Variants in MED13 observed in about 807,000 individuals in gnomAD.
The protein encoded by MED13 is mediator of RNA polymerase II transcription subunit 13.
A neutral mutation model predicts 225.2 loss-of-function variants in MED13; 23 were observed. The ratio of observed to expected loss-of-function variants is 0.10; its 90% CI spans 0.07 to 0.14. The LOEUF is 0.14. Among genes scored for constraint, MED13 ranks in the 10% least tolerant of loss-of-function variants. MED13 has a pLI of 1.00. For missense variants in MED13, 2,197 were observed against 2,594.5 expected (o/e 0.85, Z 3.33); for synonymous variants, 942 against 889.2 (o/e 1.06, Z -1.06).
At chr17:61,951,148 T>C in intron 27 of MED13, 150 bp from the exon 28 acceptor site, 3 of 543,532 alleles carry the variant, frequency 5.5e-6, no homozygotes, top group Non-Finnish European at 9.1e-6. Flanking sequence ...AACCAGTTTC[T>C]ATGTACTTAG....
intron 18 of MED13, 33 bp downstream of exon 18, chr17:61,968,002 G>T: frequency 6.6e-7 from 1 of 1,525,752 alleles, no homozygotes; most frequent in Non-Finnish European, 9.1e-7. Flanking sequence ...TCGTAAGGTA[G>T]TTTTAAAATG....
intron 9 of MED13, among the ~76,000 whole-genome samples, chr17:62,008,167 A>C (rs952479275): frequency 6.6e-5 from 10 of 151,206 alleles, no homozygotes; most frequent in Non-Finnish European, 1.0e-4. Flanking sequence ...AAAATATAAA[A>C]AATTAGCCAG....
intron 3 of MED13, among the ~76,000 whole-genome samples, chr17:62,036,497 T>G (rs1291278914): frequency 6.6e-6 from 1 of 152,212 alleles, no homozygotes; most frequent in Non-Finnish European, 1.5e-5. Context: ...TAAACTCTTT[T>G]TATTCCTTCT....
Position 61,946,573 on chromosome 17 carries a change from G to C in MED13, c.6420C>G (p.Leu2140=). Residue 2140 remains leucine (L), a synonymous_variant, in exon 30 of 30, where the codon CTC becomes CTG. Transcript: ENST00000397786. ...LRFVLEQYNA[L]SWLTCDPATQ... ...TTGCAGGGTCACAGGTTAGCCAGGA[G>C]AGTGCATTGTACTGTTCCAAAACAA... 3 of 1,614,036 alleles carry C rather than the reference G, an allele frequency of 1.9e-6. No individual in the cohort carries two copies. Among genetic ancestry groups the C allele is most frequent in the East Asian group, 2.2e-5 (1 of 44,868 alleles).
chr17:62,021,277 G>A (rs1272440254), intron 8 of MED13, among the ~76,000 whole-genome samples: 2 of 150,454 alleles, frequency 1.3e-5, no homozygotes, highest in Admixed American at 6.6e-5. Flanking sequence ...GGGCAGAGGC[G>A]CCCCTCACCT....
chr17:62,012,825 A>C (rs1418176444), intron 8 of MED13, among the ~76,000 whole-genome samples: 1 of 150,310 alleles, frequency 6.7e-6, no homozygotes, highest in South Asian at 2.1e-4. Flanking sequence ...ACCGAGTCTC[A>C]CTCTGTTGCC....
intron 26 of MED13, among the ~76,000 whole-genome samples, chr17:61,954,685 G>C (rs967321746): frequency 2.0e-5 from 3 of 152,264 alleles, no homozygotes; most frequent in Non-Finnish European, 2.9e-5. Flanking sequence ...GCTGAGGCAC[G>C]AGCATCGCTT....
intron 15 of MED13, among the ~76,000 whole-genome samples, chr17:61,983,809 A>G (rs1251233487): frequency 6.6e-6 from 1 of 151,264 alleles, no homozygotes; most frequent in African/African-American, 2.4e-5. Context: ...GCTCCCTGCA[A>G]TGCCTGACTC....
At chr17:62,063,395 A>C (rs1283527068) in intron 1 of MED13, 94 bp from the exon 2 acceptor site, 3 of 795,918 alleles carry the variant, frequency 3.8e-6, no homozygotes, top group Non-Finnish European at 6.1e-6. Flanking sequence ...AAGACATTAC[A>C]ATTTTTCAAT....
intron 14 of MED13, 128 bp downstream of exon 14, chr17:61,984,523 C>G: frequency 1.1e-6 from 1 of 949,506 alleles, no homozygotes; most frequent in Non-Finnish European, 1.5e-6. Flanking sequence ...ATAGTGACAA[C>G]AATAATTCAG....
chr17:62,048,551 G>C (rs538031126), intron 3 of MED13, among the ~76,000 whole-genome samples: 4 of 152,064 alleles, frequency 2.6e-5, no homozygotes, highest in Non-Finnish European at 5.9e-5. Flanking sequence ...CTCAGAATTA[G>C]AGATATTCAG....
intron 3 of MED13, among the ~76,000 whole-genome samples, chr17:62,043,687 C>T (rs2080874969): frequency 6.6e-6 from 1 of 152,164 alleles, no homozygotes; most frequent in Non-Finnish European, 1.5e-5. Flanking sequence ...TAAAATGTGG[C>T]CAATCCAAAC....
Position 61,961,000 on chromosome 17 carries a change from C to A in MED13, c.5347G>T (p.Ala1783Ser). ...QTELGETFGE[A>S]GQKYNVLFVG... ...AAAAGAACATTATATTTCTGTCCAG[C>A]TTCTCCAAATGTTTCTCCTAGCTCT... The change falls in exon 23 of 30, where the codon GCT becomes TCT. Residue 1783 changes from alanine to serine, a missense_variant. Coordinates refer to ENST00000397786, the MANE Select transcript of MED13 (RefSeq NM_005121.3). The A allele has an allele frequency of 6.2e-7, 1 of 1,614,008 alleles. No individual in the cohort carries two copies. The highest frequency in any genetic ancestry group is 8.5e-7 in the Non-Finnish European group (1 of 1,179,970).
At chr17:62,003,369 G>A (rs993191537) in intron 9 of MED13, among the ~76,000 whole-genome samples, 1 of 152,022 alleles carries the variant, frequency 6.6e-6, no homozygotes, top group Non-Finnish European at 1.5e-5. Context: ...ACTTTGTGAG[G>A]CTGAGGCAGG....
intron 9 of MED13, among the ~76,000 whole-genome samples, chr17:61,996,279 T>C (rs2080346102): frequency 6.6e-6 from 1 of 152,206 alleles, no homozygotes; most frequent in South Asian, 2.1e-4. Flanking sequence ...TAGCTTCTGG[T>C]TTGCATAAGA....
intron 10 of MED13, 120 bp from the exon 11 acceptor site, chr17:61,992,741 A>G: frequency 1.9e-6 from 1 of 520,366 alleles, no homozygotes; most frequent in Non-Finnish European, 3.2e-6. Flanking sequence ...ATTATCACTG[A>G]TTCTTACAGT....
At chr17:61,991,109 T>C (rs188210016) in intron 11 of MED13, among the ~76,000 whole-genome samples, 51 of 152,304 alleles carry the variant, frequency 3.3e-4, no homozygotes, top group African/African-American at 1.2e-3. Flanking sequence ...AAATCATTTT[T>C]CAATTTTTAT....
rs916015879 is a variant in MED13, at chr17:61,953,120, A to C, written c.5969-7T>G. ...CCCATTCCATCTGCTCCATCTAAACAGGAGAAAGAAAAGAAATTTAAAACT... is the reference window on the plus strand; with the variant it reads ...CCCATTCCATCTGCTCCATCTAAACCGGAGAAAGAAAAGAAATTTAAAACT... On this transcript the variant is annotated splice_region_variant and splice_polypyrimidine_tract_variant and intron_variant, in intron 26 of 29. Coordinates refer to ENST00000397786, the MANE Select transcript of MED13 (RefSeq NM_005121.3). The C allele has an allele frequency of 1.2e-6, 2 of 1,605,394 alleles. No homozygotes were observed. The highest frequency in any genetic ancestry group is 1.3e-5 in the African/African-American group (1 of 74,448).
intron 9 of MED13, among the ~76,000 whole-genome samples, chr17:62,000,984 A>G (rs1442074732): frequency 6.6e-6 from 1 of 152,056 alleles, no homozygotes; most frequent in Non-Finnish European, 1.5e-5. Context: ...AGCTGGTCTC[A>G]AACTCCTGAC....
Sources: gnomAD v4.1 joint callset for allele counts (sites outside exome capture counted in the v4.1 genomes callset) on GRCh38, gnomAD v4.1.1 for gene constraint, MANE v1.5 for transcripts, NCBI Gene and HGNC (gene_info 2026-07-23, HGNC 2026-07-21) for gene names.